MCPH1: variants seen among roughly 807,000 people sequenced by gnomAD.
MCPH1 encodes the protein microcephalin.
MCPH1 carries 104 observed loss-of-function variants against 84.5 expected under a neutral mutation model. The ratio of observed to expected loss-of-function variants is 1.23; its 90% CI spans 1.05 to 1.45. The LOEUF (loss-of-function observed/expected upper bound fraction) is 1.45, where lower values mean the gene tolerates loss of function less well. MCPH1 is among the 40% of genes most tolerant of loss of function. MCPH1 has a pLI of 0.00. For synonymous variants in MCPH1, 514 were observed against 366.8 expected, an observed-to-expected ratio of 1.40 and a Z score of -4.58; for missense variants, 1,498 against 1,005.7, an observed-to-expected ratio of 1.49 and a Z score of -6.62.
chr8:6,607,761 C>A (rs994968746), intron 12 of MCPH1, among the ~76,000 whole-genome samples: 2 of 152,224 alleles, frequency 1.3e-5, no homozygotes, highest in African/African-American at 4.8e-5. Context: ...TTGTCTGCTG[C>A]CATGTAAGAC....
At chr8:6,637,472 G>C (rs1797638774) in intron 13 of MCPH1, among the ~76,000 whole-genome samples, 1 of 152,118 alleles carries the variant, frequency 6.6e-6, no homozygotes, top group Non-Finnish European at 1.5e-5. Flanking sequence ...TGAAGGGAGA[G>C]AAGACAAAGC....
intron 9 of MCPH1, among the ~76,000 whole-genome samples, chr8:6,455,989 G>A (rs1276250826): frequency 6.6e-6 from 1 of 152,170 alleles, no homozygotes; most frequent in African/African-American, 2.4e-5. Flanking sequence ...TGATACGCAG[G>A]CTTGAACAGA....
chr8:6,485,131 C>T (rs1483096864), intron 11 of MCPH1, among the ~76,000 whole-genome samples: 1 of 150,748 alleles, frequency 6.6e-6, no homozygotes, highest in Non-Finnish European at 1.5e-5. Context: ...TCAAGACCAG[C>T]CTGGCCAAGA....
chr8:6,617,922 T>TCTATCTATCTAC (rs1586819772), intron 12 of MCPH1, among the ~76,000 whole-genome samples: 1 of 151,370 alleles, frequency 6.6e-6, no homozygotes, highest in Non-Finnish European at 1.5e-5. Context: ...TATCTATCTA[T>TCTATCTATCTAC]CTATCTATCT....
intron 9 of MCPH1, among the ~76,000 whole-genome samples, chr8:6,463,327 C>T (rs1806489479): frequency 6.6e-6 from 1 of 152,168 alleles, no homozygotes; most frequent in African/African-American, 2.4e-5. Flanking sequence ...TAGAACCTTC[C>T]TGAAAGAACT....
intron 12 of MCPH1, among the ~76,000 whole-genome samples, chr8:6,513,148 G>GT (rs909132274): frequency 8.9e-4 from 135 of 152,204 alleles, no homozygotes; most frequent in African/African-American, 3.2e-3. Flanking sequence ...AAGATACACA[G>GT]TAAACACAAT....
chr8:6,422,677 C>A (rs1192647255), intron 3 of MCPH1, among the ~76,000 whole-genome samples: 1 of 152,136 alleles, frequency 6.6e-6, no homozygotes, highest in Non-Finnish European at 1.5e-5. Context: ...ACTTCGTTAT[C>A]CAAAAGCAAA....
intron 12 of MCPH1, among the ~76,000 whole-genome samples, chr8:6,586,067 C>A (rs897327185): frequency 6.6e-6 from 1 of 152,156 alleles, no homozygotes; most frequent in Non-Finnish European, 1.5e-5. Context: ...TTCAAGTGAT[C>A]CTTGTACTTC....
intron 12 of MCPH1, chr8:6,532,185 A>G: frequency 1.1e-6 from 1 of 931,732 alleles, no homozygotes; most frequent in Middle Eastern, 3.1e-4. Context: ...GCAGCCATAC[A>G]TCCTTAATTT....
intron 11 of MCPH1, among the ~76,000 whole-genome samples, chr8:6,494,925 A>T (rs1811074520): frequency 6.6e-6 from 1 of 152,214 alleles, no homozygotes; most frequent in Admixed American, 6.5e-5. Context: ...AAAAAAAGTC[A>T]TATATGGAAA....
At chr8:6,427,832 G>A (rs976195329) in intron 3 of MCPH1, among the ~76,000 whole-genome samples, 2 of 147,258 alleles carry the variant, frequency 1.4e-5, no homozygotes, top group Non-Finnish European at 3.0e-5. Context: ...TCGCTCTGTC[G>A]CCCAGACTGG....
chr8:6,446,099 T>C, intron 8 of MCPH1: 1 of 975,262 alleles, frequency 1.0e-6, no homozygotes, highest in Non-Finnish European at 1.2e-6. Context: ...TTTGATCATT[T>C]GTAACAAGCC....
intron 9 of MCPH1, among the ~76,000 whole-genome samples, chr8:6,470,177 T>C (rs914069273): frequency 3.3e-5 from 5 of 152,250 alleles, no homozygotes; most frequent in African/African-American, 1.2e-4. Flanking sequence ...CTCATATTAA[T>C]ATATTGCTAA....
intron 12 of MCPH1, among the ~76,000 whole-genome samples, chr8:6,580,678 C>CAAACA (rs1554464446): frequency 2.6e-5 from 4 of 150,964 alleles, no homozygotes; most frequent in African/African-American, 7.3e-5. Context: ...CAAAACAAAA[C>CAAACA]AAAAAAAAAC....
intron 12 of MCPH1, among the ~76,000 whole-genome samples, chr8:6,619,923 C>T (rs971490850): frequency 6.6e-6 from 1 of 152,154 alleles, no homozygotes; most frequent in Non-Finnish European, 1.5e-5. Context: ...TATGTGTGTC[C>T]TACTTTAAAA....
In MCPH1 at chr8:6,424,821, TGA is replaced by T. The variant is rs943071558; in HGVS notation, c.234-6676_234-6675del. 3.2e-4 allele frequency among the ~76,000 whole-genome samples: 49 copies of T among 152,362 alleles called. 1 individual carries two copies. Among genetic ancestry groups the T allele is most frequent in the African/African-American group, 1.0e-3 (42 of 41,588 alleles). On this transcript the variant is annotated intron_variant, in intron 3 of 13. Coordinates refer to ENST00000344683, the MANE Select transcript of MCPH1 (RefSeq NM_024596.5). Reference sequence around the variant, plus strand: ...CAGAGCACTGTTGTGCAGACTTCTCTGAGTCTCCTGTGTTCTTCCTTGTGTGT... The same window carrying T: ...CAGAGCACTGTTGTGCAGACTTCTCTGTCTCCTGTGTTCTTCCTTGTGTGT...
At chr8:6,499,570 T>G (rs1012079402) in intron 11 of MCPH1, 3 of 197,510 alleles carry the variant, frequency 1.5e-5, no homozygotes, top group Non-Finnish European at 3.1e-5. Context: ...TATAAAATAT[T>G]TCATATGTGT....
At chr8:6,426,212 A>G (rs1801036562) in intron 3 of MCPH1, among the ~76,000 whole-genome samples, 1 of 152,210 alleles carries the variant, frequency 6.6e-6, no homozygotes, top group South Asian at 2.1e-4. Flanking sequence ...AAACATTTAC[A>G]TAAAATAAAA....
intron 13 of MCPH1, among the ~76,000 whole-genome samples, chr8:6,628,666 A>C (rs1194134083): frequency 6.6e-6 from 1 of 152,206 alleles, no homozygotes; most frequent in Non-Finnish European, 1.5e-5. Flanking sequence ...TGGTTGTGGC[A>C]GGAAACTTTG....
Sources: gnomAD v4.1 joint callset for allele counts (sites outside exome capture counted in the v4.1 genomes callset) on GRCh38, gnomAD v4.1.1 for gene constraint, MANE v1.5 for transcripts, NCBI Gene and HGNC (gene_info 2026-07-23, HGNC 2026-07-21) for gene names.